Variants in CD38 observed in about 807,000 individuals in gnomAD.
The protein encoded by CD38 is CD38 molecule.
In CD38, 31 loss-of-function variants were observed where a neutral mutation model predicts 36.3. The observed-to-expected ratio is 0.85, with a 90% CI of 0.64 to 1.15. CD38 has a LOEUF of 1.15. Among genes scored for constraint, CD38 ranks in the 50% most tolerant of loss-of-function variants. The pLI is 0.00. For synonymous variants in CD38, 131 were observed against 135.2 expected (o/e 0.97, Z 0.22); for missense variants, 380 against 371.9 (o/e 1.02, Z -0.18).
In CD38 at chr4:15,814,168, C is replaced by G. The variant is rs114071333; in HGVS notation, c.234-2343C>G. ...AACTGGCGTGAGATGGTATCCATTGCGATTTTGATTTGCATTTCTCTAATG... is the reference window on the plus strand; with the variant it reads ...AACTGGCGTGAGATGGTATCCATTGGGATTTTGATTTGCATTTCTCTAATG... On this transcript the variant is annotated intron_variant, in intron 1 of 7. Transcript: ENST00000226279. 2.7e-3 allele frequency among the ~76,000 whole-genome samples: 416 copies of G among 152,064 alleles called. 4 individuals are homozygous for G. The highest frequency in any genetic ancestry group is 9.6e-3 in the African/African-American group (398 of 41,522).
intron 1 of CD38, among the ~76,000 whole-genome samples, chr4:15,806,063 T>C (rs1413316334): frequency 6.6e-6 from 1 of 152,196 alleles, no homozygotes; most frequent in Non-Finnish European, 1.5e-5. Context: ...ACATAGTTGC[T>C]CTTTGTGAGA....
intron 1 of CD38, among the ~76,000 whole-genome samples, chr4:15,801,932 G>A (rs1286960513): frequency 1.3e-5 from 2 of 152,134 alleles, no homozygotes; most frequent in Non-Finnish European, 2.9e-5. Flanking sequence ...CATAGTACTG[G>A]AAGTTCTAGC....
At chr4:15,847,965 C>G (rs1004124) in intron 7 of CD38, among the ~76,000 whole-genome samples, 6,616 of 152,236 alleles carry the variant, frequency 0.043, 211 homozygotes, top group East Asian at 0.14. Context: ...AGGGCAGGTT[C>G]TGACACCTCT....
At chr4:15,839,063 A>G (rs1392441705) in intron 5 of CD38, among the ~76,000 whole-genome samples, 1 of 152,228 alleles carries the variant, frequency 6.6e-6, no homozygotes, top group African/African-American at 2.4e-5. Flanking sequence ...GAGGAAGCAT[A>G]TATTAATTTG....
intron 1 of CD38, among the ~76,000 whole-genome samples, chr4:15,792,882 C>G (rs1051000001): frequency 5.9e-5 from 9 of 152,176 alleles, no homozygotes; most frequent in Non-Finnish European, 1.3e-4. Context: ...TTGTTCTAAT[C>G]AAGATTTGCA....
intron 3 of CD38, among the ~76,000 whole-genome samples, chr4:15,831,029 TTA>T (rs1723948875): frequency 1.3e-5 from 2 of 152,260 alleles, no homozygotes; most frequent in South Asian, 2.1e-4. Flanking sequence ...TGTGGAACTG[TTA>T]TATGTTTTTG....
At chr4:15,793,178 G>A (rs911168510) in intron 1 of CD38, among the ~76,000 whole-genome samples, 1 of 151,902 alleles carries the variant, frequency 6.6e-6, no homozygotes, top group African/African-American at 2.4e-5. Flanking sequence ...TGTACACACT[G>A]TTGGCTTCCA....
chr4:15,796,988 G>A (rs1723116506), intron 1 of CD38, among the ~76,000 whole-genome samples: 2 of 152,132 alleles, frequency 1.3e-5, no homozygotes, highest in Admixed American at 1.3e-4. Context: ...AATTCTGGAA[G>A]TAGAATTGCT....
chr4:15,778,734 C>A lies in CD38; in HGVS notation c.233+87C>A. On this transcript the variant is annotated intron_variant, in intron 1 of 7. Coordinates refer to ENST00000226279, the MANE Select transcript of CD38 (RefSeq NM_001775.4). This position sits in a 1 kb window ranked among gnomAD's most constrained non-coding sequence, Gnocchi z 4.9. ...GGAAGCCGCCCGGATCGCCCGGAAC[C>A]GGGCATCTTCCGTGGCGGGTCAGCC... 3.2e-6 allele frequency: 3 copies of A among 949,500 alleles called. No homozygotes were observed. The highest frequency in any genetic ancestry group is 4.8e-6 in the Non-Finnish European group (3 of 625,406). The allele number at this position is 949,500 out of a possible 1,614,324, so 58.8% of individuals were successfully genotyped here. A position where few individuals can be genotyped will look rare whatever the true frequency, so the allele number is the denominator to read the frequency against.
At chr4:15,803,889 T>G (rs1723282114) in intron 1 of CD38, among the ~76,000 whole-genome samples, 1 of 152,168 alleles carries the variant, frequency 6.6e-6, no homozygotes, top group African/African-American at 2.4e-5. Flanking sequence ...CACTTATAAG[T>G]GAGAAATGTA....
At position 15,852,360 on chromosome 4, in the gene CD38, GACTT is replaced by G. The variant is rs545125373; in HGVS notation, c.*3763_*3766del. The G allele has an allele frequency of 2.0e-4, 31 of 152,292 alleles. No individual in the cohort carries two copies. Among genetic ancestry groups the G allele is most frequent in the Admixed American group, 1.4e-3 (22 of 15,292 alleles). The allele number at this position is 152,292 out of a possible 1,614,324, so 9.4% of individuals were successfully genotyped here. ...ATACAAGGGGGACAGCATCGACATCGACTTACTTCTTGGTGCCTTATTCCTCCTT... is the reference window on the plus strand; with the variant it reads ...ATACAAGGGGGACAGCATCGACATCGACTTCTTGGTGCCTTATTCCTCCTT... On this transcript the variant is annotated 3_prime_UTR_variant, in exon 8 of 8. Transcript: ENST00000226279.
Position 15,848,798 on chromosome 4 carries a change from C to T in CD38, c.*196C>T, listed in dbSNP as rs559513148. On this transcript the variant is annotated 3_prime_UTR_variant, in exon 8 of 8. Transcript: ENST00000226279. ...TCAGCATACCTTTATTGTGATCTAT[C>T]AATAGTCAAGAAAAATTATTGTATA... The T allele has an allele frequency of 2.4e-6, 1 of 424,688 alleles. No homozygotes were observed. Among genetic ancestry groups the T allele is most frequent in the East Asian group, 3.3e-5 (1 of 29,936 alleles). 26.3% of individuals were successfully genotyped at this position (424,688 alleles called of 1,614,324 possible). A position where few individuals can be genotyped will look rare whatever the true frequency, so the allele number is the denominator to read the frequency against.
At chr4:15,779,744 T>C (rs910317915) in intron 1 of CD38, among the ~76,000 whole-genome samples, 3 of 151,962 alleles carry the variant, frequency 2.0e-5, no homozygotes, top group Admixed American at 6.6e-5. Context: ...CAGGCTGTAT[T>C]GTAAAGTATG....
At chr4:15,793,332 T>C (rs1183270913) in intron 1 of CD38, among the ~76,000 whole-genome samples, 1 of 152,050 alleles carries the variant, frequency 6.6e-6, no homozygotes, top group Non-Finnish European at 1.5e-5. Flanking sequence ...TATTGATAAT[T>C]TCATTTCAAA....
At chr4:15,780,918 G>A (rs111287219) in intron 1 of CD38, among the ~76,000 whole-genome samples, 201 of 152,284 alleles carry the variant, frequency 1.3e-3, no homozygotes, top group African/African-American at 4.7e-3. Flanking sequence ...AGACCTGCCT[G>A]GCCAACATGC....
At chr4:15,835,952 C>A (rs1177370355) in intron 4 of CD38, among the ~76,000 whole-genome samples, 1 of 151,846 alleles carries the variant, frequency 6.6e-6, no homozygotes, top group Non-Finnish European at 1.5e-5. Context: ...GGAAACATTT[C>A]TTTTCAAGTG....
chr4:15,786,730 C>T (rs1051644809), intron 1 of CD38, among the ~76,000 whole-genome samples: 1 of 152,262 alleles, frequency 6.6e-6, no homozygotes, highest in Non-Finnish European at 1.5e-5. Flanking sequence ...CTGCTATGCA[C>T]CCGCACTCCT....
chr4:15,784,725 G>C (rs1006519107), intron 1 of CD38, among the ~76,000 whole-genome samples: 2 of 152,100 alleles, frequency 1.3e-5, no homozygotes, highest in Non-Finnish European at 2.9e-5. Context: ...ATGATTGAAG[G>C]CTTCCTTCAG....
intron 4 of CD38, among the ~76,000 whole-genome samples, chr4:15,837,037 C>G (rs979198436): frequency 4.6e-5 from 7 of 152,198 alleles, no homozygotes; most frequent in African/African-American, 1.7e-4. Flanking sequence ...CATTCATGGG[C>G]ACTTTATAGT....
Sources: allele counts gnomAD v4.1 joint callset (sites outside exome capture counted in the v4.1 genomes callset), GRCh38; gene constraint gnomAD v4.1.1; non-coding constraint Gnocchi (gnomAD v3.1); transcripts MANE v1.5; gene names NCBI Gene and HGNC (gene_info 2026-07-23, HGNC 2026-07-21).